Variants in LRRC4C observed in about 807,000 individuals in gnomAD.
LRRC4C encodes leucine rich repeat containing 4C.
Under a neutral mutation model 33.6 loss-of-function variants are expected in LRRC4C, and 5 were observed. That is an observed-to-expected ratio of 0.15 (90% CI 0.08 to 0.31). The LOEUF (loss-of-function observed/expected upper bound fraction) is 0.31, where lower values mean the gene tolerates loss of function less well. Among genes scored for constraint, LRRC4C ranks in the 10% least tolerant of loss-of-function variants. The pLI, the probability that LRRC4C is intolerant of heterozygous loss-of-function variation, is 1.00. For synonymous variants in LRRC4C, 329 were observed against 302.0 expected (o/e 1.09, Z -0.93); for missense variants, 560 against 796.7 (o/e 0.70, Z 3.58).
At chr11:40,717,728 A>G (rs768752870) in intron 2 of LRRC4C, among the ~76,000 whole-genome samples, 1 of 152,136 alleles carries the variant, frequency 6.6e-6, no homozygotes, top group Non-Finnish European at 1.5e-5. Context: ...TGACAGTTTT[A>G]TAGATGAGGC....
At chr11:40,882,514 T>G (rs1955234082) in intron 2 of LRRC4C, among the ~76,000 whole-genome samples, 1 of 152,050 alleles carries the variant, frequency 6.6e-6, no homozygotes, top group African/African-American at 2.4e-5. Flanking sequence ...CCAATATATA[T>G]TCCACCTTCC....
At chr11:40,913,687 T>C (rs1171742797) in intron 2 of LRRC4C, among the ~76,000 whole-genome samples, 1 of 151,722 alleles carries the variant, frequency 6.6e-6, no homozygotes, top group Non-Finnish European at 1.5e-5. Flanking sequence ...AGGCAAGAAA[T>C]AACTAAGATC....
chr11:40,447,699 G>A (rs893607072), intron 3 of LRRC4C, among the ~76,000 whole-genome samples: 2 of 152,168 alleles, frequency 1.3e-5, no homozygotes, highest in African/African-American at 4.8e-5. Context: ...CTAAGTGAAG[G>A]CTTCTGCGTG....
At chr11:40,671,605 A>G (rs1454423337) in intron 2 of LRRC4C, among the ~76,000 whole-genome samples, 1 of 149,456 alleles carries the variant, frequency 6.7e-6, no homozygotes, top group Non-Finnish European at 1.5e-5. Flanking sequence ...CTCTTACCCA[A>G]TGCCGCTTAA....
chr11:41,289,086 C>T (rs1469280860), intron 1 of LRRC4C, among the ~76,000 whole-genome samples: 1 of 152,084 alleles, frequency 6.6e-6, no homozygotes, highest in Non-Finnish European at 1.5e-5. Context: ...CCATCGCAGC[C>T]AAAGTTCTCA....
In LRRC4C at chr11:41,139,291, T is replaced by C. The variant is rs547827141; in HGVS notation, c.-495-205568A>G. 1.5e-3 allele frequency among the ~76,000 whole-genome samples: 221 copies of C among 152,324 alleles called. 1 individual carries two copies. Among genetic ancestry groups the C allele is most frequent in the African/African-American group, 5.1e-3 (211 of 41,572 alleles). On this transcript the variant is annotated intron_variant, in intron 1 of 6. Transcript: ENST00000528697. Reference sequence around the variant, plus strand: ...TAGTAAGGGACTTATATACAATGTCTATTTTATCAATCAAGCTATGCCTTT... The same window carrying C: ...TAGTAAGGGACTTATATACAATGTCCATTTTATCAATCAAGCTATGCCTTT...
intron 2 of LRRC4C, among the ~76,000 whole-genome samples, chr11:40,681,640 C>G (rs1466160386): frequency 2.0e-5 from 3 of 151,764 alleles, no homozygotes; most frequent in Non-Finnish European, 4.4e-5. Context: ...TGGCTTACAC[C>G]TGTAATCCCA....
At chr11:41,077,842 C>T (rs575153574) in intron 1 of LRRC4C, among the ~76,000 whole-genome samples, 1 of 152,268 alleles carries the variant, frequency 6.6e-6, no homozygotes, top group Admixed American at 6.5e-5. Context: ...GCTCTGCTTC[C>T]CTTTTAAACA....
At chr11:40,602,123 A>T (rs1960067968) in intron 3 of LRRC4C, among the ~76,000 whole-genome samples, 1 of 147,290 alleles carries the variant, frequency 6.8e-6, no homozygotes, top group African/African-American at 2.5e-5. Context: ...TGAACCTGGG[A>T]GGCAGAGATT....
intron 1 of LRRC4C, among the ~76,000 whole-genome samples, chr11:41,374,207 A>G (rs1473369245): frequency 6.6e-6 from 1 of 152,162 alleles, no homozygotes; most frequent in African/African-American, 2.4e-5. Context: ...TGGTATTTTC[A>G]TTCTTATGTT....
chr11:40,634,122 T>C (rs952813779), intron 3 of LRRC4C, among the ~76,000 whole-genome samples: 3 of 152,144 alleles, frequency 2.0e-5, no homozygotes, highest in African/African-American at 7.2e-5. Flanking sequence ...AATGGAAGTA[T>C]TAGTGTGAGA....
intron 3 of LRRC4C, among the ~76,000 whole-genome samples, chr11:40,490,615 T>TGTA (rs1316806824): frequency 6.6e-6 from 1 of 152,204 alleles, no homozygotes; most frequent in African/African-American, 2.4e-5. Context: ...TTTTACTGAA[T>TGTA]GTAGCTCCTC....
chr11:41,115,444 G>A (rs1273583960), intron 1 of LRRC4C, among the ~76,000 whole-genome samples: 4 of 151,318 alleles, frequency 2.6e-5, no homozygotes, highest in Non-Finnish European at 5.9e-5. Context: ...CAGTAAAATG[G>A]AGTCAACCAA....
chr11:40,886,832 C>T (rs1955482511), intron 2 of LRRC4C, among the ~76,000 whole-genome samples: 1 of 151,688 alleles, frequency 6.6e-6, no homozygotes. Flanking sequence ...CACTGACCCT[C>T]CCCTTCAAAG....
chr11:40,981,072 T>G (rs1486685920), intron 1 of LRRC4C, among the ~76,000 whole-genome samples: 1 of 152,050 alleles, frequency 6.6e-6, no homozygotes, highest in Non-Finnish European at 1.5e-5. Context: ...ACACAGCTAG[T>G]CGGGTATGGG....
chr11:41,352,964 G>A (rs145184894), intron 1 of LRRC4C, among the ~76,000 whole-genome samples: 27 of 151,934 alleles, frequency 1.8e-4, no homozygotes, highest in African/African-American at 5.1e-4. Context: ...CTCAAAGAAC[G>A]AGAAAAACAA....
At chr11:41,185,804 A>T (rs1447410747) in intron 1 of LRRC4C, among the ~76,000 whole-genome samples, 1 of 152,184 alleles carries the variant, frequency 6.6e-6, no homozygotes, top group African/African-American at 2.4e-5. Context: ...GAAAAAAGTC[A>T]CAAATTAAAA....
intron 5 of LRRC4C, among the ~76,000 whole-genome samples, chr11:40,172,721 A>G (rs540402903): frequency 6.6e-6 from 1 of 152,164 alleles, no homozygotes; most frequent in East Asian, 1.9e-4. Context: ...CCTTCTATCC[A>G]TGACTGTGTC....
intron 3 of LRRC4C, among the ~76,000 whole-genome samples, chr11:40,625,383 G>A (rs941505363): frequency 1.3e-5 from 2 of 152,156 alleles, no homozygotes; most frequent in African/African-American, 4.8e-5. Flanking sequence ...ATAAGGGAAG[G>A]TGAAAGAGGA....
Sources: gnomAD v4.1 joint callset for allele counts (sites outside exome capture counted in the v4.1 genomes callset) on GRCh38, gnomAD v4.1.1 for gene constraint, MANE v1.5 for transcripts, NCBI Gene and HGNC (gene_info 2026-07-23, HGNC 2026-07-21) for gene names.